The following ACTR3C variants were observed in gnomAD, a reference collection of about 807,000 sequenced individuals.
The protein encoded by ACTR3C is actin related protein 3C.
A neutral mutation model predicts 26.3 loss-of-function variants in ACTR3C; 18 were observed. That is an observed-to-expected ratio of 0.68 (90% CI 0.47 to 1.01). The LOEUF is 1.01. ACTR3C is among the 50% of genes least tolerant of loss of function. ACTR3C has a pLI of 0.00. For synonymous variants in ACTR3C, 55 were observed against 94.5 expected (o/e 0.58, Z 2.42); for missense variants, 184 against 250.7 (o/e 0.73, Z 1.80).
chr7:150,077,456 C>T, the ACTR3C span, among the ~76,000 whole-genome samples: 5 of 152,124 alleles, frequency 3.3e-5, no homozygotes, highest in South Asian at 2.1e-4. Context: ...TAAGTCTGCA[C>T]CTTTGTCACT....
At chr7:150,102,714 C>T in the ACTR3C span, among the ~76,000 whole-genome samples, 1 of 151,748 alleles carries the variant, frequency 6.6e-6, no homozygotes, top group Non-Finnish European at 1.5e-5. Flanking sequence ...GTCCCTTCAA[C>T]AGGGCCACCT....
At chr7:150,011,770 A>G in the ACTR3C span, among the ~76,000 whole-genome samples, 1 of 152,234 alleles carries the variant, frequency 6.6e-6, no homozygotes, top group Non-Finnish European at 1.5e-5. Context: ...AGTTCCAGAA[A>G]ACAAGTAGTA....
At chr7:150,249,721 C>T (rs1260266028) in intron 6 of ACTR3C, among the ~76,000 whole-genome samples, 1 of 152,222 alleles carries the variant, frequency 6.6e-6, no homozygotes, top group Non-Finnish European at 1.5e-5. Context: ...TCCCATTGTG[C>T]TGGGATTACA....
chr7:150,078,322 A>G, the ACTR3C span, among the ~76,000 whole-genome samples: 2 of 146,072 alleles, frequency 1.4e-5, no homozygotes, highest in Non-Finnish European at 3.0e-5. Context: ...TGGGTCCTCA[A>G]TGTCTCACTT....
the ACTR3C span, among the ~76,000 whole-genome samples, chr7:150,217,346 C>T: frequency 1.3e-5 from 2 of 151,362 alleles, no homozygotes; most frequent in East Asian, 3.9e-4. Context: ...GTAATACATA[C>T]TGATACAAGG....
At chr7:149,987,120 C>T in the ACTR3C span, among the ~76,000 whole-genome samples, 133 of 145,120 alleles carry the variant, frequency 9.2e-4, no homozygotes, top group Admixed American at 4.1e-3. Flanking sequence ...AAAGGGTAAT[C>T]AATGGACTAT....
intron 6 of ACTR3C, among the ~76,000 whole-genome samples, chr7:150,254,379 C>T (rs540843853): frequency 6.6e-6 from 1 of 152,202 alleles, no homozygotes; most frequent in Non-Finnish European, 1.5e-5. Flanking sequence ...ATAAAAAAGC[C>T]TCCCAATTGT....
At chr7:150,005,900 G>T in the ACTR3C span, among the ~76,000 whole-genome samples, 2 of 152,160 alleles carry the variant, frequency 1.3e-5, no homozygotes, top group Non-Finnish European at 2.9e-5. Flanking sequence ...AATGCATTCA[G>T]ATAACCCAGG....
At chr7:150,170,726 G>A in the ACTR3C span, among the ~76,000 whole-genome samples, 2 of 150,476 alleles carry the variant, frequency 1.3e-5, no homozygotes, top group Non-Finnish European at 2.9e-5. Context: ...GGGTTTAAAG[G>A]TTCACTTCCA....
At chr7:150,008,691 T>C in the ACTR3C span, among the ~76,000 whole-genome samples, 1 of 150,580 alleles carries the variant, frequency 6.6e-6, no homozygotes, top group South Asian at 2.1e-4. Flanking sequence ...CATCTCACAC[T>C]GAGACTCAAC....
intron 6 of ACTR3C, among the ~76,000 whole-genome samples, chr7:150,265,661 T>A (rs1450399826): frequency 6.6e-6 from 1 of 152,180 alleles, no homozygotes; most frequent in East Asian, 1.9e-4. Context: ...ACCATTACAC[T>A]CCACCCTGGG....
the ACTR3C span, among the ~76,000 whole-genome samples, chr7:149,998,388 T>C: frequency 6.7e-6 from 1 of 149,738 alleles, no homozygotes; most frequent in East Asian, 2.1e-4. Flanking sequence ...CCTGTATTCG[T>C]CCATTCTCAC....
the ACTR3C span, among the ~76,000 whole-genome samples, chr7:149,966,674 C>A: frequency 2.6e-5 from 4 of 152,252 alleles, no homozygotes; most frequent in Non-Finnish European, 4.4e-5. Flanking sequence ...CCATCAAGAC[C>A]CATTTTTCAG....
At chr7:150,037,386 C>G in the ACTR3C span, among the ~76,000 whole-genome samples, 3 of 58,304 alleles carry the variant, frequency 5.1e-5, 1 homozygote, top group Admixed American at 1.8e-4. Context: ...GTGCCTCCCC[C>G]CTCTGCGATG....
intron 6 of ACTR3C, among the ~76,000 whole-genome samples, chr7:150,261,022 T>C (rs945819663): frequency 6.6e-6 from 1 of 152,110 alleles, no homozygotes; most frequent in Non-Finnish European, 1.5e-5. Flanking sequence ...GAAATTGAAG[T>C]TTTTAAGCAA....
the ACTR3C span, among the ~76,000 whole-genome samples, chr7:150,045,460 TATGTGCAGATA>T: frequency 6.6e-6 from 1 of 152,134 alleles, no homozygotes. Context: ...GCCGGATATA[TATGTGCAGATA>T]ATGGGCAAGT....
chr7:150,049,295 C>T, the ACTR3C span, among the ~76,000 whole-genome samples: 1 of 152,136 alleles, frequency 6.6e-6, no homozygotes, highest in Admixed American at 6.5e-5. Flanking sequence ...TCTCTCTCGT[C>T]TCGTCCCCAC....
At chr7:150,315,352 A>G (rs1459905932) in intron 1 of ACTR3C, among the ~76,000 whole-genome samples, 1 of 152,100 alleles carries the variant, frequency 6.6e-6, no homozygotes, top group African/African-American at 2.4e-5. Flanking sequence ...GATCTTCACA[A>G]TCCATATACC....
At chr7:150,291,042 T>C (rs1836208454) in intron 3 of ACTR3C, among the ~76,000 whole-genome samples, 1 of 152,194 alleles carries the variant, frequency 6.6e-6, no homozygotes, top group South Asian at 2.1e-4. Flanking sequence ...CTTAGGATTG[T>C]ATTATATGTA....
Sources: gnomAD v4.1 joint callset for allele counts (sites outside exome capture counted in the v4.1 genomes callset) on GRCh38, gnomAD v4.1.1 for gene constraint, MANE v1.5 for transcripts, NCBI Gene and HGNC (gene_info 2026-07-23, HGNC 2026-07-21) for gene names.